Variants in SRP68 observed in about 807,000 individuals in gnomAD.
SRP68 encodes the protein signal recognition particle 68, also known as signal recognition particle subunit SRP68.
In SRP68, 15 loss-of-function variants were observed where a neutral mutation model predicts 82.2. The ratio of observed to expected loss-of-function variants is 0.18; its 90% CI spans 0.12 to 0.28. SRP68 has a LOEUF of 0.28. Among genes scored for constraint, SRP68 ranks in the 10% least tolerant of loss-of-function variants. The pLI is 1.00. For missense variants in SRP68, 595 were observed against 780.5 expected (o/e 0.76, Z 2.83); for synonymous variants, 261 against 292.6 (o/e 0.89, Z 1.10).
intron 4 of SRP68, among the ~76,000 whole-genome samples, chr17:76,063,524 C>G (rs1193099487): frequency 6.6e-6 from 1 of 151,954 alleles, no homozygotes; most frequent in Non-Finnish European, 1.5e-5. Flanking sequence ...CCTGTCTCTA[C>G]TAAAAATAAA....
intron 2 of SRP68, 64 bp from the exon 3 acceptor site, chr17:76,067,394 G>A: frequency 3.4e-6 from 4 of 1,170,948 alleles, no homozygotes; most frequent in Non-Finnish European, 5.1e-6. Context: ...AATAAATTCT[G>A]CAATAAGGCA....
At chr17:76,047,213 G>A (rs1343723724) in intron 10 of SRP68, among the ~76,000 whole-genome samples, 1 of 152,012 alleles carries the variant, frequency 6.6e-6, no homozygotes, top group Non-Finnish European at 1.5e-5. Context: ...ACCTCCCTGG[G>A]CTCAGGGGAT....
intron 7 of SRP68, among the ~76,000 whole-genome samples, chr17:76,058,913 G>A (rs1336378380): frequency 2.0e-5 from 3 of 152,186 alleles, no homozygotes; most frequent in African/African-American, 7.2e-5. Flanking sequence ...CTATGCAACG[G>A]AGTACCATGC....
chr17:76,068,486 A>C (rs1016522106), intron 2 of SRP68, among the ~76,000 whole-genome samples: 7 of 151,720 alleles, frequency 4.6e-5, no homozygotes, highest in African/African-American at 1.7e-4. Context: ...GAAGAAGAAG[A>C]ATGAGGAGGA....
rs781466575 is a variant in SRP68 at position 76,054,116 on chromosome 17, T to C, written c.978+3287A>G. 2.0e-5 allele frequency among the ~76,000 whole-genome samples: 3 copies of C among 152,364 alleles called. No homozygotes were observed. In the Middle Eastern group the frequency reaches 0.01, roughly 518 times the overall value. On this transcript the variant is annotated intron_variant, in intron 8 of 15. Coordinates refer to ENST00000307877, the MANE Select transcript of SRP68 (RefSeq NM_014230.4). ...AATCAATCAATCCTAGGTCAGCTTT[T>C]ACAAAACTTGAAACCTTCAGGATGG...
At chr17:76,063,687 G>GAAA (rs59638317) in intron 4 of SRP68, among the ~76,000 whole-genome samples, 1 of 23,844 alleles carries the variant, frequency 4.2e-5, no homozygotes, top group East Asian at 1.2e-3. Flanking sequence ...GACTCTGTCT[G>GAAA]AAAAAAAAAA....
intron 10 of SRP68, 131 bp downstream of exon 10, chr17:76,047,775 C>A: frequency 3.0e-6 from 1 of 335,048 alleles, no homozygotes. Context: ...AGTGACAGAG[C>A]TAGATCCTGT....
intron 3 of SRP68, 58 bp downstream of exon 3, chr17:76,067,159 T>C (rs2066813050): frequency 7.9e-7 from 1 of 1,272,342 alleles, no homozygotes; most frequent in Non-Finnish European, 1.1e-6. Flanking sequence ...TACCACGTCA[T>C]TGTTCAATAA....
rs534330976 is a variant in SRP68 at position 76,039,581 on chromosome 17, C to T, written c.*125G>A. 2.2e-5 allele frequency: 20 copies of T among 898,218 alleles called. No homozygotes were observed. The Admixed American group carries it at 2.6e-4, about 11-fold the overall frequency. 55.6% of individuals were successfully genotyped at this position (898,218 alleles called of 1,614,324 possible). Reference sequence around the variant, plus strand: ...GACACAAGATGTAGGAATGCAGGGCCGAAGATGTTAAACTCTTGCCCCGGG... The same window carrying T: ...GACACAAGATGTAGGAATGCAGGGCTGAAGATGTTAAACTCTTGCCCCGGG... On this transcript the variant is annotated 3_prime_UTR_variant, in exon 16 of 16. Coordinates refer to ENST00000307877, the MANE Select transcript of SRP68 (RefSeq NM_014230.4).
rs575532025 is a variant in SRP68 at position 76,039,686 on chromosome 17, G to A, written c.*20C>T. ...CAGATTAAGAGTCAGAATCTCCCCC[G>A]CCCCCGAGGAAGAGCCTGGTTAGCT... On this transcript the variant is annotated 3_prime_UTR_variant, in exon 16 of 16. Transcript: ENST00000307877. 24 of 1,601,850 alleles carry A rather than the reference G, an allele frequency of 1.5e-5. No individual in the cohort carries two copies. Among genetic ancestry groups the A allele is most frequent in the Admixed American group, 8.4e-5 (5 of 59,820 alleles).
chr17:76,045,246 A>G, intron 12 of SRP68, 46 bp downstream of exon 12: 1 of 1,479,032 alleles, frequency 6.8e-7, no homozygotes, highest in East Asian at 2.3e-5. Context: ...CAATGCTTAT[A>G]GAACCTGGGA....
intron 8 of SRP68, 69 bp from the exon 9 acceptor site, chr17:76,050,595 G>T: frequency 9.1e-7 from 1 of 1,096,538 alleles, no homozygotes; most frequent in Non-Finnish European, 1.4e-6. Flanking sequence ...TGGGAGAGGA[G>T]CAAAATCGCA....
chr17:76,041,406 C>T (rs1217265932), intron 13 of SRP68: 1 of 155,536 alleles, frequency 6.4e-6, no homozygotes, highest in Non-Finnish European at 1.4e-5. Flanking sequence ...AAGGGCTGGG[C>T]CATCTGGCTC....
chr17:76,067,365 A>T (rs1195539455), intron 2 of SRP68, 35 bp from the exon 3 acceptor site: 3 of 1,454,188 alleles, frequency 2.1e-6, no homozygotes, highest in African/African-American at 2.8e-5. Flanking sequence ...CACTCAGCCA[A>T]GCTGAGAGTA....
chr17:76,059,562 C>T (rs982596761), intron 7 of SRP68, among the ~76,000 whole-genome samples: 4 of 152,090 alleles, frequency 2.6e-5, no homozygotes, highest in East Asian at 1.9e-4. Flanking sequence ...ATAAATATGG[C>T]AACCATGTGG....
chr17:76,069,512 C>T lies in SRP68; in HGVS notation c.251+866G>A, dbSNP rs1341292630. On this transcript the variant is annotated intron_variant, in intron 2 of 15. Coordinates refer to ENST00000307877, the MANE Select transcript of SRP68 (RefSeq NM_014230.4). ...GGTGGATCACCTGAGGTCAGGAGTT[C>T]AAGACCAGCCTGGCCAACATGGTGA... 6.0e-5 allele frequency among the ~76,000 whole-genome samples: 9 copies of T among 149,008 alleles called. No individual in the cohort carries two copies. The East Asian group carries it at 8.1e-4, about 13-fold the overall frequency.
In SRP68 at chr17:76,065,892, T is replaced by C. The variant is rs533346481; in HGVS notation, c.365+1325A>G. ...GAAAGTCAATGAGGTTCAAGGACCA[T>C]GCCTCCTCTCCTTCTATATCTAGTG... On this transcript the variant is annotated intron_variant, in intron 3 of 15. Coordinates refer to ENST00000307877, the MANE Select transcript of SRP68 (RefSeq NM_014230.4). Among the ~76,000 whole-genome samples, 7 of 151,744 alleles carry C rather than the reference T, an allele frequency of 4.6e-5. No individual in the cohort carries two copies. In the East Asian group the frequency reaches 1.4e-3, roughly 29 times the overall value.
At chr17:76,046,262 C>A in intron 10 of SRP68, 68 bp from the exon 11 acceptor site, 1 of 1,501,918 alleles carries the variant, frequency 6.7e-7, no homozygotes, top group Non-Finnish European at 9.2e-7. Context: ...GACTGGACTA[C>A]AAGTTGGGGC....
At chr17:76,052,783 G>A (rs1161802408) in intron 8 of SRP68, among the ~76,000 whole-genome samples, 5 of 141,092 alleles carry the variant, frequency 3.5e-5, no homozygotes, top group South Asian at 2.3e-4. Context: ...CAGCCTGGGC[G>A]ACAGAGCCAG....
Sources: gnomAD v4.1 joint callset for allele counts (sites outside exome capture counted in the v4.1 genomes callset) on GRCh38, gnomAD v4.1.1 for gene constraint, MANE v1.5 for transcripts, NCBI Gene and HGNC (gene_info 2026-07-23, HGNC 2026-07-21) for gene names.